ARL15: variants seen among roughly 807,000 people sequenced by gnomAD.
ARL15 encodes the protein ARF like GTPase 15.
In ARL15, 19 loss-of-function variants were observed where a neutral mutation model predicts 25.2. That is an observed-to-expected ratio of 0.75 (90% confidence interval 0.53 to 1.10). The LOEUF (loss-of-function observed/expected upper bound fraction) is 1.10. Among genes scored for constraint, ARL15 ranks in the 50% least tolerant of loss-of-function variants. The probability of loss-of-function intolerance (pLI) is 0.00; values close to 1 mark genes in which losing one functional copy is unlikely to be tolerated. For synonymous variants in ARL15, 94 were observed against 86.8 expected (o/e 1.08, Z -0.46); for missense variants, 220 against 246.0 (o/e 0.89, Z 0.71).
intron 1 of ARL15, among the ~76,000 whole-genome samples, chr5:54,234,310 A>C (rs954592822): frequency 1.3e-5 from 2 of 151,926 alleles, no homozygotes; most frequent in African/African-American, 2.4e-5. Context: ...TGTTATTTTT[A>C]AATGCATTAG....
chr5:54,018,155 T>C (rs1695946298), intron 4 of ARL15, among the ~76,000 whole-genome samples: 1 of 152,214 alleles, frequency 6.6e-6, no homozygotes, highest in African/African-American at 2.4e-5. Flanking sequence ...TATTTTGGTT[T>C]ACATAAGCAC....
chr5:54,012,951 C>A (rs1002140413), intron 4 of ARL15, among the ~76,000 whole-genome samples: 1 of 151,962 alleles, frequency 6.6e-6, no homozygotes, highest in Non-Finnish European at 1.5e-5. Flanking sequence ...AGGCATGCAC[C>A]ACCACACCCG....
intron 1 of ARL15, among the ~76,000 whole-genome samples, chr5:54,188,356 G>A (rs1755295488): frequency 6.6e-6 from 1 of 152,094 alleles, no homozygotes; most frequent in Non-Finnish European, 1.5e-5. Context: ...CATTTGCTTG[G>A]TGAATCTGTG....
intron 4 of ARL15, among the ~76,000 whole-genome samples, chr5:53,971,983 T>C (rs941584028): frequency 6.6e-6 from 1 of 152,184 alleles, no homozygotes; most frequent in African/African-American, 2.4e-5. Context: ...GTATTTGGGA[T>C]TGGCTTAAAA....
chr5:54,133,081 T>C (rs973558954), intron 3 of ARL15, among the ~76,000 whole-genome samples: 3 of 152,226 alleles, frequency 2.0e-5, no homozygotes, highest in African/African-American at 2.4e-5. Flanking sequence ...TTACGATGTT[T>C]TAATCCTGAA....
chr5:54,303,743 GGGAGGGGAAA>G (rs1758676568), intron 1 of ARL15, among the ~76,000 whole-genome samples: 1 of 149,322 alleles, frequency 6.7e-6, no homozygotes, highest in Non-Finnish European at 1.5e-5. Context: ...GAGAGGGGAG[GGGAGGGGAAA>G]GGAGGGGAAG....
Position 54,310,515 on chromosome 5 carries a change from C to G in ARL15, c.-36G>C, listed in dbSNP as rs1758869791. ...AAAGCATCCGGAACGGCTCCGAACC[C>G]GGAAAAAAAAAGCAGCGTCTCTGGC... On this transcript the variant is annotated 5_prime_UTR_variant, in exon 1 of 5. Transcript: ENST00000504924. 4 of 1,570,580 alleles carry G rather than the reference C, an allele frequency of 2.5e-6. No individual in the cohort carries two copies. The highest frequency in any genetic ancestry group is 3.4e-6 in the Non-Finnish European group (4 of 1,160,988).
intron 4 of ARL15, among the ~76,000 whole-genome samples, chr5:53,912,612 C>T (rs1465982609): frequency 1.3e-5 from 2 of 152,154 alleles, no homozygotes; most frequent in Admixed American, 1.3e-4. Flanking sequence ...TGCAGCACCC[C>T]CTCCTCCAAA....
chr5:53,919,599 T>C (rs1441315586), intron 4 of ARL15, among the ~76,000 whole-genome samples: 1 of 152,174 alleles, frequency 6.6e-6, no homozygotes, highest in Non-Finnish European at 1.5e-5. Context: ...CACGCCTGTG[T>C]GTGCACTCAG....
At chr5:54,041,925 G>C (rs1326899394) in intron 4 of ARL15, among the ~76,000 whole-genome samples, 1 of 151,784 alleles carries the variant, frequency 6.6e-6, no homozygotes, top group African/African-American at 2.4e-5. Flanking sequence ...ATTTATTCTA[G>C]TTGGGAATGA....
At chr5:54,152,820 A>G (rs1193837627) in intron 3 of ARL15, among the ~76,000 whole-genome samples, 1 of 152,216 alleles carries the variant, frequency 6.6e-6, no homozygotes, top group Non-Finnish European at 1.5e-5. Context: ...CGGCAAAATT[A>G]AACCGTGCTT....
chr5:53,972,431 T>C (rs1211343222), intron 4 of ARL15, among the ~76,000 whole-genome samples: 1 of 152,188 alleles, frequency 6.6e-6, no homozygotes, highest in Non-Finnish European at 1.5e-5. Context: ...AACTTGGTTT[T>C]TAAAATTCAA....
At chr5:54,238,871 G>A (rs1414154205) in intron 1 of ARL15, among the ~76,000 whole-genome samples, 2 of 152,188 alleles carry the variant, frequency 1.3e-5, no homozygotes, top group Non-Finnish European at 2.9e-5. Flanking sequence ...GGCAAAGACC[G>A]AGATGAAATG....
In ARL15 at chr5:54,158,307, C is replaced by T. The variant is rs189896038; in HGVS notation, c.194-3668G>A. 2.0e-3 allele frequency among the ~76,000 whole-genome samples: 304 copies of T among 152,260 alleles called. 1 individual carries two copies. The highest frequency in any genetic ancestry group is 2.6e-3 in the Non-Finnish European group (175 of 68,018). On this transcript the variant is annotated intron_variant, in intron 2 of 4. Coordinates refer to ENST00000504924, the MANE Select transcript of ARL15 (RefSeq NM_019087.3). The stretch of plus-strand genomic sequence containing the variant: ...TTAGGGAAGCATTCTCTGGTGTCCT[C>T]GAACTAGACTGATTTTTCTGAGTCC...
intron 1 of ARL15, among the ~76,000 whole-genome samples, chr5:54,212,664 A>G (rs994444961): frequency 7.9e-5 from 12 of 152,142 alleles, no homozygotes; most frequent in African/African-American, 2.4e-4. Context: ...CTGTTGGACT[A>G]TTTTTTCTGT....
chr5:54,141,368 CT>C (rs1753776900), intron 3 of ARL15, among the ~76,000 whole-genome samples: 1 of 151,834 alleles, frequency 6.6e-6, no homozygotes, highest in Non-Finnish European at 1.5e-5. Flanking sequence ...TCACTTTCAT[CT>C]TTTTTCAAGC....
At chr5:54,105,974 T>A (rs1485862225) in intron 4 of ARL15, among the ~76,000 whole-genome samples, 2 of 152,128 alleles carry the variant, frequency 1.3e-5, no homozygotes, top group African/African-American at 4.8e-5. Context: ...GCAAACAACA[T>A]AAGTTCTATA....
At chr5:54,173,309 T>C (rs1754775046) in intron 1 of ARL15, among the ~76,000 whole-genome samples, 1 of 152,040 alleles carries the variant, frequency 6.6e-6, no homozygotes, top group Admixed American at 6.6e-5. Flanking sequence ...GCCAACTATG[T>C]GCCAGCTTAT....
At chr5:53,927,050 C>A (rs114454899) in intron 4 of ARL15, among the ~76,000 whole-genome samples, 5 of 151,708 alleles carry the variant, frequency 3.3e-5, no homozygotes, top group East Asian at 1.9e-4. Context: ...ATAAAATTGA[C>A]CATTTCAACT....
Sources: gnomAD v4.1 joint callset for allele counts (sites outside exome capture counted in the v4.1 genomes callset) on GRCh38, gnomAD v4.1.1 for gene constraint, MANE v1.5 for transcripts, NCBI Gene and HGNC (gene_info 2026-07-23, HGNC 2026-07-21) for gene names.